Variants in CYP39A1 observed in about 807,000 individuals in gnomAD.
The protein encoded by CYP39A1 is 24-hydroxycholesterol 7-alpha-hydroxylase.
CYP39A1 carries 49 observed loss-of-function variants against 58.1 expected under a neutral mutation model. The ratio of observed to expected loss-of-function variants is 0.84; its 90% CI spans 0.67 to 1.07. The LOEUF (loss-of-function observed/expected upper bound fraction) is 1.07, where lower values mean the gene tolerates loss of function less well. Among genes scored for constraint, CYP39A1 ranks in the 50% least tolerant of loss-of-function variants. CYP39A1 has a pLI of 0.00. For missense variants in CYP39A1, 531 were observed against 539.4 expected (o/e 0.98, Z 0.16); for synonymous variants, 209 against 187.6 (o/e 1.11, Z -0.93).
intron 10 of CYP39A1, among the ~76,000 whole-genome samples, chr6:46,556,586 A>G (rs1249225703): frequency 2.0e-5 from 3 of 152,216 alleles, no homozygotes; most frequent in African/African-American, 4.8e-5. Flanking sequence ...TGTTCACACA[A>G]GAAAAAGTCT....
At chr6:46,587,932 G>T in intron 9 of CYP39A1, 102 bp downstream of exon 9, 2 of 608,976 alleles carry the variant, frequency 3.3e-6, no homozygotes, top group Non-Finnish European at 5.4e-6. Flanking sequence ...AGAGAAATAT[G>T]GCTGCTTAAT....
chr6:46,632,724 C>T (rs2150582598), intron 5 of CYP39A1, among the ~76,000 whole-genome samples: 1 of 152,236 alleles, frequency 6.6e-6, no homozygotes, highest in South Asian at 2.1e-4. Flanking sequence ...GGGAATTTTG[C>T]CAGGGACATA....
At chr6:46,557,196 CTT>C (rs932759464) in intron 10 of CYP39A1, among the ~76,000 whole-genome samples, 13 of 151,718 alleles carry the variant, frequency 8.6e-5, no homozygotes, top group Non-Finnish European at 1.8e-4. Flanking sequence ...AGGTTATTAA[CTT>C]ATAAAATAAC....
intron 6 of CYP39A1, among the ~76,000 whole-genome samples, chr6:46,625,764 C>T (rs1775276755): frequency 1.3e-5 from 2 of 151,858 alleles, no homozygotes; most frequent in East Asian, 1.9e-4. Flanking sequence ...GATTAAACAT[C>T]TATCTTCACT....
intron 5 of CYP39A1, among the ~76,000 whole-genome samples, chr6:46,635,542 GTGTTTGTTTGTT>G (rs368397169): frequency 6.6e-6 from 1 of 152,048 alleles, no homozygotes; most frequent in African/African-American, 2.4e-5. Context: ...TACCTCAGAG[GTGTTTGTTTGTT>G]TGTTTGTTTG....
chr6:46,592,921 A>C (rs1772929206), intron 8 of CYP39A1, among the ~76,000 whole-genome samples: 1 of 152,124 alleles, frequency 6.6e-6, no homozygotes, highest in Non-Finnish European at 1.5e-5. Flanking sequence ...ATGTCACTGC[A>C]CTCCAGCATG....
At chr6:46,621,706 A>T (rs1774967583) in intron 7 of CYP39A1, among the ~76,000 whole-genome samples, 1 of 152,186 alleles carries the variant, frequency 6.6e-6, no homozygotes, top group Non-Finnish European at 1.5e-5. Context: ...GGACCAGATC[A>T]CTTCATTGGT....
rs117098053 is a variant in CYP39A1, at chr6:46,630,428, C to T, written c.840+535G>A. On this transcript the variant is annotated intron_variant, in intron 6 of 11. Transcript: ENST00000275016. ...CAGTGGGAGGTTCACATACATTATC[C>T]CTTTTTTTACCCTTATTAGGTAAAA... Among the ~76,000 whole-genome samples the T allele has an allele frequency of 6.6e-5, 10 of 152,164 alleles. No homozygotes were observed. In the East Asian group the frequency reaches 1.5e-3, roughly 24 times the overall value.
At chr6:46,628,617 T>C (rs1775463453) in intron 6 of CYP39A1, among the ~76,000 whole-genome samples, 1 of 152,072 alleles carries the variant, frequency 6.6e-6, no homozygotes, top group Non-Finnish European at 1.5e-5. Context: ...GAGCTCTGAG[T>C]CCTATGGGCC....
intron 10 of CYP39A1, among the ~76,000 whole-genome samples, chr6:46,554,082 G>A (rs556794674): frequency 6.6e-6 from 1 of 152,304 alleles, no homozygotes; most frequent in African/African-American, 2.4e-5. Flanking sequence ...AAAGTGCTGA[G>A]CCAGTGGGAG....
At chr6:46,647,826 T>C (rs1022730937) in intron 1 of CYP39A1, among the ~76,000 whole-genome samples, 1 of 152,176 alleles carries the variant, frequency 6.6e-6, no homozygotes, top group African/African-American at 2.4e-5. Context: ...GATGGGGTTG[T>C]TTTTTTCTTG....
At chr6:46,622,188 T>A (rs1000754411) in intron 7 of CYP39A1, among the ~76,000 whole-genome samples, 8 of 152,052 alleles carry the variant, frequency 5.3e-5, no homozygotes, top group African/African-American at 1.9e-4. Context: ...AAACAGAAAG[T>A]GACTCCTAAT....
chr6:46,633,267 G>A (rs940710295), intron 5 of CYP39A1, among the ~76,000 whole-genome samples: 1 of 151,968 alleles, frequency 6.6e-6, no homozygotes, highest in Admixed American at 6.5e-5. Context: ...AGTTGTCACA[G>A]GACAAAGTTT....
intron 10 of CYP39A1, among the ~76,000 whole-genome samples, chr6:46,564,133 T>C (rs191612994): frequency 7.0e-5 from 9 of 128,628 alleles, no homozygotes; most frequent in Non-Finnish European, 1.2e-4. Flanking sequence ...TTATTCTATT[T>C]TATTCTATTC....
intron 10 of CYP39A1, among the ~76,000 whole-genome samples, chr6:46,574,082 T>C (rs190871457): frequency 1.7e-3 from 255 of 152,294 alleles, no homozygotes; most frequent in African/African-American, 5.8e-3. Flanking sequence ...GAAGAGATCA[T>C]TCCAGCAGCT....
In CYP39A1 at chr6:46,640,806, T is replaced by A. The variant is rs182626929; in HGVS notation, c.314-1138A>T. ...TCCCTCTAGTAGTCCCCTGTGTCCA[T>A]TGTTGTCATTTTATTGAAGTAACTT... On this transcript the variant is annotated intron_variant, in intron 2 of 11. Transcript: ENST00000275016. Among the ~76,000 whole-genome samples, 4 of 132,424 alleles carry A rather than the reference T, an allele frequency of 3.0e-5. No individual in the cohort carries two copies. In the East Asian group the frequency reaches 1.1e-3, roughly 35 times the overall value. 86.9% of individuals were successfully genotyped at this position (132,424 alleles called of 152,430 possible). A position where few individuals can be genotyped will look rare whatever the true frequency, so the allele number is the denominator to read the frequency against.
rs558717659 is a variant in CYP39A1 at position 46,557,920 on chromosome 6, CA to C, written c.1251-4067del. 1.6e-3 allele frequency among the ~76,000 whole-genome samples: 148 copies of C among 89,976 alleles called. 1 individual carries two copies. The highest frequency in any genetic ancestry group is 2.2e-3 in the Non-Finnish European group (112 of 51,376). 59.0% of individuals were successfully genotyped at this position (89,976 alleles called of 152,430 possible). A position where few individuals can be genotyped will look rare whatever the true frequency, so the allele number is the denominator to read the frequency against. On this transcript the variant is annotated intron_variant, in intron 10 of 11. Transcript: ENST00000275016. The stretch of plus-strand genomic sequence containing the variant: ...CACTGCATTCCAGCCTGGGAGACAG[CA>C]AGACTCCATCTCAAAAAAAAAAAAA...
intron 11 of CYP39A1, among the ~76,000 whole-genome samples, chr6:46,551,587 CA>C (rs1307269404): frequency 6.6e-6 from 1 of 152,162 alleles, no homozygotes; most frequent in East Asian, 1.9e-4. Flanking sequence ...ATTAACACTA[CA>C]TTATTTAAGG....
chr6:46,563,301 A>G (rs776526671), intron 10 of CYP39A1, among the ~76,000 whole-genome samples: 5 of 152,216 alleles, frequency 3.3e-5, no homozygotes, highest in Admixed American at 1.3e-4. Flanking sequence ...AGCTATGTTC[A>G]GGTAAGTAAT....
Sources: allele counts gnomAD v4.1 joint callset (sites outside exome capture counted in the v4.1 genomes callset), GRCh38; gene constraint gnomAD v4.1.1; transcripts MANE v1.5; gene names NCBI Gene and HGNC (gene_info 2026-07-23, HGNC 2026-07-21).